HERC2: variants seen among roughly 807,000 people sequenced by gnomAD.
HERC2 encodes E3 ubiquitin-protein ligase HERC2.
HERC2 carries 102 observed loss-of-function variants against 537.7 expected under a neutral mutation model. The ratio of observed to expected loss-of-function variants is 0.19; its 90% CI spans 0.16 to 0.22. HERC2 has a LOEUF of 0.22. Among genes scored for constraint, HERC2 ranks in the 10% least tolerant of loss-of-function variants. HERC2 has a pLI of 1.00. For missense variants in HERC2, 4,236 were observed against 6,198.2 expected (o/e 0.68, Z 10.63); for synonymous variants, 2,224 against 2,466.2 (o/e 0.90, Z 2.91).
At chr15:28,162,513 G>A (rs1291496893) in intron 69 of HERC2, among the ~76,000 whole-genome samples, 1 of 152,058 alleles carries the variant, frequency 6.6e-6, no homozygotes, top group Non-Finnish European at 1.5e-5. Flanking sequence ...ATAAACTGGG[G>A]TGGAAACTGT....
In HERC2 at chr15:28,280,089, A is replaced by T. The variant is rs551942014; in HGVS notation, c.521T>A (p.Leu174Gln). The T allele has an allele frequency of 1.2e-6, 2 of 1,613,868 alleles. No individual in the cohort carries two copies. The highest frequency in any genetic ancestry group is 1.7e-6 in the Non-Finnish European group (2 of 1,179,876). The change falls in exon 5 of 93, where the codon CTG becomes CAG. Residue 174 changes from leucine (L) to glutamine (Q), a missense_variant. Leu to Gln is a moderately radical substitution (Grantham distance 113, BLOSUM62 -2). This residue lies in a region of HERC2 where 491 missense variants were observed against 559.3 expected (regional missense o/e 0.88). Coordinates refer to ENST00000261609, the MANE Select transcript of HERC2 (RefSeq NM_004667.6). ...KVKWKSSGIS[L>Q]PPVDKKSSRP... ...TTACCTTTTTTTGTCCACAGGAGGC[A>T]GAGAAATACCGCTGCTTTTCCACTT...
intron 48 of HERC2, 127 bp downstream of exon 48, chr15:28,201,329 C>A: frequency 1.5e-6 from 1 of 667,692 alleles, no homozygotes; most frequent in South Asian, 1.8e-5. Context: ...GGTATGTCTT[C>A]CAGCACCAGA....
intron 35 of HERC2, among the ~76,000 whole-genome samples, chr15:28,227,452 C>A (rs1398755367): frequency 5.1e-5 from 7 of 138,396 alleles, no homozygotes; most frequent in East Asian, 2.1e-4. Context: ...CGATGGCCTT[C>A]ATCCAAAAAA....
At chr15:28,317,666 C>G (rs916589817) in intron 2 of HERC2, among the ~76,000 whole-genome samples, 3 of 152,166 alleles carry the variant, frequency 2.0e-5, no homozygotes, top group African/African-American at 7.2e-5. Context: ...AGAAGAGAGG[C>G]AGGAGAGACA....
intron 35 of HERC2, among the ~76,000 whole-genome samples, chr15:28,227,471 A>G (rs1295149994): frequency 2.0e-5 from 3 of 150,782 alleles, no homozygotes; most frequent in East Asian, 1.9e-4. Flanking sequence ...AAAAAAAGAA[A>G]AAAAAAAAAA....
In HERC2 at chr15:28,112,956, C is replaced by T; in HGVS notation, c.14232+115G>A. On this transcript the variant is annotated intron_variant, in intron 92 of 92. Coordinates refer to ENST00000261609, the MANE Select transcript of HERC2 (RefSeq NM_004667.6). Reference sequence around the variant, plus strand: ...AGTTCGATGTTTTCCATTTTCATTTCTGTAAAGACTCAAGAGGCTCGTTTT... The same window carrying T: ...AGTTCGATGTTTTCCATTTTCATTTTTGTAAAGACTCAAGAGGCTCGTTTT... 7 of 775,134 alleles carry T rather than the reference C, an allele frequency of 9.0e-6. No homozygotes were observed. In the South Asian group the frequency reaches 1.3e-4, roughly 14 times the overall value. 48.0% of individuals were successfully genotyped at this position (775,134 alleles called of 1,614,324 possible).
intron 2 of HERC2, among the ~76,000 whole-genome samples, chr15:28,300,079 GA>G (rs1385246415): frequency 8.9e-5 from 13 of 146,518 alleles, no homozygotes; most frequent in Non-Finnish European, 1.4e-4. Flanking sequence ...GAAAAGAAAA[GA>G]AAAAAAAGAC....
chr15:28,198,232 G>A lies in HERC2; in HGVS notation c.8011+146C>T, dbSNP rs1422053631. The A allele has an allele frequency of 4.3e-5, 38 of 876,722 alleles. 1 individual carries two copies. The highest frequency in any genetic ancestry group is 2.9e-4 in the South Asian group (17 of 58,850). The allele number at this position is 876,722 out of a possible 1,614,324, so 54.3% of individuals were successfully genotyped here. A position where few individuals can be genotyped will look rare whatever the true frequency, so the allele number is the denominator to read the frequency against. On this transcript the variant is annotated intron_variant, in intron 50 of 92. Coordinates refer to ENST00000261609, the MANE Select transcript of HERC2 (RefSeq NM_004667.6). ...CAGGTGAGTTCCTCTGTGGCCTTTG[G>A]CAGAAGGCACTGACAAGCAAAGGAA... is the stretch of plus-strand genomic sequence containing the variant.
intron 5 of HERC2, among the ~76,000 whole-genome samples, chr15:28,275,962 T>C (rs2075860564): frequency 6.6e-6 from 1 of 151,764 alleles, no homozygotes; most frequent in African/African-American, 2.4e-5. Flanking sequence ...GGAAATCCTA[T>C]AAAAACAGGT....
chr15:28,176,909 A>T lies in HERC2; in HGVS notation c.9432+41T>A, dbSNP rs1895344150. ...GCTTATTTTCTCTTGACATCTTCAG[A>T]TGGTAAGCTTTCTGCAAGCAACAAA... On this transcript the variant is annotated intron_variant, in intron 61 of 92. Transcript: ENST00000261609. The surrounding 1 kb of genome is among the most constrained non-coding windows in gnomAD (Gnocchi z 5.0). The T allele has an allele frequency of 6.3e-7, 1 of 1,596,868 alleles. No homozygotes were observed. Among genetic ancestry groups the T allele is most frequent in the Non-Finnish European group, 8.6e-7 (1 of 1,167,630 alleles).
chr15:28,315,914 G>A (rs1337236862), intron 2 of HERC2: 9 of 436,952 alleles, frequency 2.1e-5, no homozygotes, highest in South Asian at 1.1e-4. Context: ...CCCTCTGATC[G>A]CCGATCACCT....
chr15:28,247,312 T>G (rs1170961010), intron 21 of HERC2, among the ~76,000 whole-genome samples: 2 of 151,750 alleles, frequency 1.3e-5, no homozygotes, highest in Non-Finnish European at 2.9e-5. Flanking sequence ...TTTTAAAATT[T>G]TATATCTAGT....
At chr15:28,281,886 T>C (rs1184830733) in intron 4 of HERC2, among the ~76,000 whole-genome samples, 1 of 151,868 alleles carries the variant, frequency 6.6e-6, no homozygotes, top group East Asian at 2.0e-4. Context: ...TTTTAAATAA[T>C]ACATCTCCCT....
Position 28,142,923 on chromosome 15 carries a change from C to T in HERC2, c.11448G>A (p.Leu3816=), listed in dbSNP as rs1891367659. The T allele has an allele frequency of 1.2e-6, 2 of 1,606,998 alleles. No individual in the cohort carries two copies. Among genetic ancestry groups the T allele is most frequent in the Non-Finnish European group, 1.7e-6 (2 of 1,175,826 alleles). ...GCAAAGCTTCTGGAAGACCTTTCAC[C>T]AAAGCAGCAAGAGCACTACCTGTAA... ...LSFTGSALAA[L]VKGLPEALQR... is the part of the protein sequence containing the mutation. Residue 3816 remains leucine (L), a synonymous_variant, in exon 75 of 93, where the codon TTG becomes TTA. Transcript: ENST00000261609.
Position 28,233,839 on chromosome 15 carries a change from G to A in HERC2, c.4219-43C>T, listed in dbSNP as rs369072680. On this transcript the variant is annotated intron_variant, in intron 27 of 92. Coordinates refer to ENST00000261609, the MANE Select transcript of HERC2 (RefSeq NM_004667.6). The stretch of plus-strand genomic sequence containing the variant: ...GGAAGTAACTTCAGAGCCACCCAGT[G>A]AGTCTTCACAAATCTTAAACATGCC... 113 of 1,607,566 alleles carry A rather than the reference G, an allele frequency of 7.0e-5. No individual in the cohort carries two copies. In the African/African-American group the frequency reaches 1.4e-3, roughly 20 times the overall value.
At chr15:28,316,757 T>G (rs563005945) in intron 2 of HERC2, among the ~76,000 whole-genome samples, 6 of 152,300 alleles carry the variant, frequency 3.9e-5, no homozygotes, top group African/African-American at 1.4e-4. Flanking sequence ...ATACTCATGT[T>G]TATACTTTTT....
chr15:28,233,364 A>C (rs577599758), intron 29 of HERC2, 23 bp from the exon 30 acceptor site: 1 of 1,280,780 alleles, frequency 7.8e-7, no homozygotes, highest in East Asian at 2.3e-5. Context: ...CCAGGAAAAG[A>C]CAACTTTAAC....
chr15:28,256,740 G>A (rs113099644), intron 17 of HERC2, among the ~76,000 whole-genome samples: 2,955 of 152,098 alleles, frequency 0.019, 91 homozygotes, highest in African/African-American at 0.068. Flanking sequence ...AACTACAGGC[G>A]CCCGCCACCA....
rs1370119931 is a variant in HERC2, at chr15:28,265,717, C to T, written c.1771G>A (p.Glu591Lys). The T allele has an allele frequency of 1.9e-6, 3 of 1,614,018 alleles. No individual in the cohort carries two copies. Among genetic ancestry groups the T allele is most frequent in the East Asian group, 2.2e-5 (1 of 44,876 alleles). The stretch of plus-strand genomic sequence containing the variant: ...CCGGCTACCAGCATCGGAATGGCCT[C>T]GTCCTCACTGGAGCCTTCAAACAGA... ...GRLGHGSSED[E>K]AIPMLVAGLK... The change falls in exon 14 of 93, where the codon GAG (glutamate) becomes AAG (lysine). Residue 591 changes from glutamate (E) to lysine (K), a missense_variant. This residue lies in a region of HERC2 where 754 missense variants were observed against 1,085.0 expected (regional missense o/e 0.69). Coordinates refer to ENST00000261609, the MANE Select transcript of HERC2 (RefSeq NM_004667.6). This position sits in a 1 kb window ranked among gnomAD's most constrained non-coding sequence, Gnocchi z 4.0.
Sources: allele counts gnomAD v4.1 joint callset (sites outside exome capture counted in the v4.1 genomes callset), GRCh38; gene constraint gnomAD v4.1.1; regional missense constraint gnomAD v4.1.1; non-coding constraint Gnocchi (gnomAD v3.1); transcripts MANE v1.5; gene names NCBI Gene and HGNC (gene_info 2026-07-23, HGNC 2026-07-21).